Variants in CNTN4 observed in about 807,000 individuals in gnomAD.
CNTN4 encodes the protein contactin-4.
CNTN4 carries 77 observed loss-of-function variants against 122.5 expected under a neutral mutation model. That is an observed-to-expected ratio of 0.63 (90% CI 0.52 to 0.76). The LOEUF (loss-of-function observed/expected upper bound fraction) is 0.76. Ranked by LOEUF, CNTN4 falls within the 30% of genes least tolerant of loss-of-function variation. The pLI is 0.00. For synonymous variants in CNTN4, 512 were observed against 447.0 expected, an observed-to-expected ratio of 1.15 and a Z score of -1.83; for missense variants, 1,256 against 1,259.1, an observed-to-expected ratio of 1.00 and a Z score of 0.04.
At chr3:2,647,595 T>C (rs2083185665) in intron 4 of CNTN4, among the ~76,000 whole-genome samples, 1 of 152,262 alleles carries the variant, frequency 6.6e-6, no homozygotes, top group South Asian at 2.1e-4. Context: ...AGACCTAGGC[T>C]TACACCTCAT....
chr3:2,610,640 C>T (rs913965959), intron 4 of CNTN4, among the ~76,000 whole-genome samples: 1 of 152,152 alleles, frequency 6.6e-6, no homozygotes, highest in Non-Finnish European at 1.5e-5. Flanking sequence ...CTTGTTATCA[C>T]AGTAAATTCT....
intron 4 of CNTN4, among the ~76,000 whole-genome samples, chr3:2,649,012 AG>A (rs980936394): frequency 6.6e-6 from 1 of 152,204 alleles, no homozygotes; most frequent in African/African-American, 2.4e-5. Flanking sequence ...ATCCAAAGCA[AG>A]GCCCTAATTC....
In CNTN4 at chr3:2,841,231, G is replaced by T. The variant is rs772548042; in HGVS notation, c.454+21650G>T. Among the ~76,000 whole-genome samples, 1 of 152,176 alleles carries T rather than the reference G, an allele frequency of 6.6e-6. No homozygotes were observed. The highest frequency in any genetic ancestry group is 1.5e-5 in the Non-Finnish European group (1 of 68,034). On this transcript the variant is annotated intron_variant, in intron 7 of 24. Transcript: ENST00000418658. The surrounding 1 kb of genome is among the most constrained non-coding windows in gnomAD (Gnocchi z 4.8). The stretch of plus-strand genomic sequence containing the variant: ...GGATCAAAAGAGTTACAGCTGGGTG[G>T]ATTTTAACTTTTAACCCAGTTTTTC...
intron 6 of CNTN4, among the ~76,000 whole-genome samples, chr3:2,774,793 T>A (rs2091250429): frequency 6.6e-6 from 1 of 152,210 alleles, no homozygotes; most frequent in Non-Finnish European, 1.5e-5. Flanking sequence ...ATCATTTGGT[T>A]TCAAGATGTT....
At chr3:2,101,363 A>G (rs1027471748) in intron 2 of CNTN4, among the ~76,000 whole-genome samples, 1 of 152,226 alleles carries the variant, frequency 6.6e-6, no homozygotes, top group Non-Finnish European at 1.5e-5. Flanking sequence ...TGACTTTTCT[A>G]CAAGTTTGTC....
intron 2 of CNTN4, among the ~76,000 whole-genome samples, chr3:2,200,112 C>T (rs569021043): frequency 2.0e-5 from 3 of 152,002 alleles, no homozygotes; most frequent in Admixed American, 1.3e-4. Flanking sequence ...AATGGATTCA[C>T]GAGGATAAAG....
At chr3:2,202,114 A>C (rs1045958437) in intron 2 of CNTN4, among the ~76,000 whole-genome samples, 2 of 152,072 alleles carry the variant, frequency 1.3e-5, no homozygotes, top group African/African-American at 4.8e-5. Flanking sequence ...TTTTTGAAGG[A>C]ATTATGACAC....
intron 7 of CNTN4, among the ~76,000 whole-genome samples, chr3:2,824,158 T>TAAA (rs56973508): frequency 1.0e-4 from 15 of 142,896 alleles, no homozygotes; most frequent in Middle Eastern, 7.5e-3. Context: ...CCAAGGCTGT[T>TAAA]AAAAAAAAAA....
intron 4 of CNTN4, among the ~76,000 whole-genome samples, chr3:2,644,640 C>T (rs1245550387): frequency 6.6e-6 from 1 of 150,558 alleles, no homozygotes; most frequent in African/African-American, 2.4e-5. Context: ...TAAGTGAGTC[C>T]ATGGATTAGA....
At chr3:2,416,658 A>G (rs1234261197) in intron 3 of CNTN4, among the ~76,000 whole-genome samples, 1 of 152,086 alleles carries the variant, frequency 6.6e-6, no homozygotes, top group Middle Eastern at 3.2e-3. Flanking sequence ...CAGTGTCGCA[A>G]CTTTCTTTTT....
chr3:3,013,049 T>C (rs897139033), intron 14 of CNTN4, among the ~76,000 whole-genome samples: 16 of 152,136 alleles, frequency 1.1e-4, no homozygotes, highest in African/African-American at 2.9e-4. Flanking sequence ...AATAAGTGTC[T>C]CTTTTTCCTT....
rs970528359 is a variant in CNTN4 at position 2,367,763 on chromosome 3, G to C, written c.-89+28530G>C. Among the ~76,000 whole-genome samples the C allele has an allele frequency of 2.0e-5, 3 of 152,156 alleles. 1 individual carries two copies. The East Asian group carries it at 5.8e-4, about 29-fold the overall frequency. ...GCCTCCCAAAGTGCTGGGATTACAG[G>C]CGTGAGCCATTGCACCTAGCATCTT... On this transcript the variant is annotated intron_variant, in intron 3 of 24. Coordinates refer to ENST00000418658, the MANE Select transcript of CNTN4 (RefSeq NM_175607.3).
intron 3 of CNTN4, among the ~76,000 whole-genome samples, chr3:2,424,478 G>C (rs1278011673): frequency 1.3e-5 from 2 of 152,104 alleles, no homozygotes; most frequent in African/African-American, 4.8e-5. Context: ...ATGGAGATTT[G>C]GGTTGGTTCC....
chr3:2,846,947 C>T (rs771225021), intron 7 of CNTN4, among the ~76,000 whole-genome samples: 8 of 152,066 alleles, frequency 5.3e-5, no homozygotes, highest in African/African-American at 9.7e-5. Flanking sequence ...CAGCCGAGAT[C>T]GCACCACTGT....
chr3:2,729,892 T>G (rs1041334481), intron 4 of CNTN4, among the ~76,000 whole-genome samples: 14 of 152,144 alleles, frequency 9.2e-5, no homozygotes, highest in Middle Eastern at 3.4e-3. Context: ...CCAGCCTGAG[T>G]GACAGAGGGA....
chr3:2,660,332 T>C (rs2083822058), intron 4 of CNTN4, among the ~76,000 whole-genome samples: 1 of 152,330 alleles, frequency 6.6e-6, no homozygotes, highest in East Asian at 1.9e-4. Context: ...GGAGGTGGAT[T>C]CACTGGCACT....
At chr3:2,805,790 C>T (rs1213371198) in intron 6 of CNTN4, among the ~76,000 whole-genome samples, 1 of 152,188 alleles carries the variant, frequency 6.6e-6, no homozygotes, top group Admixed American at 6.5e-5. Flanking sequence ...CCTTGATCCT[C>T]ATTGTTCTGG....
At chr3:2,461,075 A>G (rs373089152) in intron 3 of CNTN4, among the ~76,000 whole-genome samples, 122 of 152,310 alleles carry the variant, frequency 8.0e-4, no homozygotes, top group African/African-American at 2.8e-3. Flanking sequence ...CTAAAAGACT[A>G]GTAACCCACC....
chr3:2,377,679 A>G (rs2045871383), intron 3 of CNTN4, among the ~76,000 whole-genome samples: 1 of 152,178 alleles, frequency 6.6e-6, no homozygotes, highest in African/African-American at 2.4e-5. Flanking sequence ...AGCTTGTCCA[A>G]CCTGTGACCT....
Sources: gnomAD v4.1 joint callset for allele counts (sites outside exome capture counted in the v4.1 genomes callset) on GRCh38, gnomAD v4.1.1 for gene constraint, Gnocchi (gnomAD v3.1) non-coding constraint, MANE v1.5 for transcripts, NCBI Gene and HGNC (gene_info 2026-07-23, HGNC 2026-07-21) for gene names.